Variants in DNAH5 observed in about 807,000 individuals in gnomAD.
DNAH5 encodes the protein dynein axonemal heavy chain 5.
In DNAH5, 372 loss-of-function variants were observed where a neutral mutation model predicts 518.2. The ratio of observed to expected loss-of-function variants is 0.72; its 90% CI spans 0.66 to 0.78. The LOEUF (loss-of-function observed/expected upper bound fraction) is 0.78. DNAH5 is among the 30% of genes least tolerant of loss of function. The probability of loss-of-function intolerance (pLI) is 0.00; values close to 1 mark genes in which losing one functional copy is unlikely to be tolerated. For missense variants in DNAH5, 5,523 were observed against 5,687.0 expected (o/e 0.97, Z 0.93); for synonymous variants, 2,039 against 2,025.9 (o/e 1.01, Z -0.17).
At chr5:13,780,539 G>A (rs962034462) in intron 53 of DNAH5, among the ~76,000 whole-genome samples, 21 of 152,148 alleles carry the variant, frequency 1.4e-4, no homozygotes, top group African/African-American at 4.1e-4. Flanking sequence ...AGGGACAATT[G>A]TCTTCTGAAA....
At chr5:13,903,442 A>G (rs2151965936) in intron 12 of DNAH5, among the ~76,000 whole-genome samples, 1 of 152,144 alleles carries the variant, frequency 6.6e-6, no homozygotes, top group South Asian at 2.1e-4. Flanking sequence ...TCCACAATTA[A>G]AAAAAGACTT....
intron 12 of DNAH5, among the ~76,000 whole-genome samples, chr5:13,906,217 T>G (rs941090924): frequency 4.6e-5 from 7 of 152,172 alleles, no homozygotes; most frequent in African/African-American, 1.7e-4. Flanking sequence ...CCATAGAATG[T>G]ATAACACCAA....
In DNAH5 at chr5:13,919,288, T is replaced by C. The variant is rs1776996920; in HGVS notation, c.863A>G (p.Glu288Gly). ...ADDVGPRAELEHWKKRLSKFN... is the reference protein window; with the variant it reads ...ADDVGPRAELGHWKKRLSKFN... ...CTTGGAGAGTCTTTTTTTCCAGTGC[T>C]CCAGCTCCGCTCGTGGCCCAACGTC... Residue 288 changes from glutamate to glycine, a missense_variant, in exon 7 of 79, where the codon GAG (glutamate) becomes GGG (glycine). Transcript: ENST00000265104. 1.2e-6 allele frequency: 2 copies of C among 1,614,130 alleles called. No individual in the cohort carries two copies. The highest frequency in any genetic ancestry group is 4.5e-5 in the East Asian group (2 of 44,886).
At chr5:13,695,172 A>G (rs1253370415) in intron 78 of DNAH5, among the ~76,000 whole-genome samples, 2 of 152,222 alleles carry the variant, frequency 1.3e-5, no homozygotes, top group East Asian at 1.9e-4. Flanking sequence ...AATTTGTGGC[A>G]TATTTGAGAT....
rs778808577 is a variant in DNAH5 at position 13,841,739 on chromosome 5, C to G, written c.5437G>C (p.Glu1813Gln). ...VIRQAAANIQ[E>Q]TGFQLTEFLS... ...AATTCAGTTAGTTGGAAACCTGTTT[C>G]TTGAATATTTGCGGCTGCCTGGCGA... Residue 1813 changes from glutamate (E) to glutamine (Q), a missense_variant, in exon 33 of 79, where the codon GAA becomes CAA. Physicochemically the swap from Glu to Gln is conservative, Grantham distance 29 (BLOSUM62 2). Transcript: ENST00000265104. 2 of 1,614,030 alleles carry G rather than the reference C, an allele frequency of 1.2e-6. No individual in the cohort carries two copies. Among genetic ancestry groups the G allele is most frequent in the Non-Finnish European group, 1.7e-6 (2 of 1,179,962 alleles).
intron 1 of DNAH5, among the ~76,000 whole-genome samples, chr5:13,996,670 G>A (rs1004344530): frequency 6.6e-6 from 1 of 152,230 alleles, no homozygotes; most frequent in African/African-American, 2.4e-5. Flanking sequence ...CCACCTTCTG[G>A]TCACTCTGGG....
At chr5:13,831,824 G>A (rs575688740) in intron 35 of DNAH5, among the ~76,000 whole-genome samples, 1 of 152,200 alleles carries the variant, frequency 6.6e-6, no homozygotes, top group Admixed American at 6.5e-5. Flanking sequence ...AGACACCACA[G>A]TGTGCTCCAC....
intron 1 of DNAH5, among the ~76,000 whole-genome samples, chr5:13,934,858 G>A (rs754667418): frequency 6.6e-6 from 1 of 152,156 alleles, no homozygotes; most frequent in Non-Finnish European, 1.5e-5. Flanking sequence ...AAACAAACAT[G>A]TTAGTTCATT....
rs140975593 is a variant in DNAH5, at chr5:13,780,943, C to T, written c.8837G>A (p.Arg2946His). 6.3e-5 allele frequency: 102 copies of T among 1,613,554 alleles called. No homozygotes were observed. The highest frequency in any genetic ancestry group is 6.0e-4 in the African/African-American group (45 of 74,982). Residue 2946 changes from arginine to histidine, a missense_variant, in exon 53 of 79, where the codon CGT becomes CAT. Physicochemically the swap from Arg to His is conservative, Grantham distance 29. Transcript: ENST00000265104. ...VHLVKISRVI[R>H]TPQGNALLVG... ...CAGGAGGGCATTTCCCTGAGGAGTA[C>T]GAATGACACGAGAGATCTGTAATAT...
At position 13,925,691 on chromosome 5, in the gene DNAH5, G is replaced by A. The variant is rs561805082; in HGVS notation, c.278-2251C>T. Among the ~76,000 whole-genome samples, 11 of 152,312 alleles carry A rather than the reference G, an allele frequency of 7.2e-5. No individual in the cohort carries two copies. In the South Asian group the frequency reaches 2.3e-3, roughly 32 times the overall value. Reference sequence around the variant, plus strand: ...GCACAGGAAAGACCCGCCTCCATAAGTCAATCACCTCCCACCAGGTTCCTA... The same window carrying A: ...GCACAGGAAAGACCCGCCTCCATAAATCAATCACCTCCCACCAGGTTCCTA... On this transcript the variant is annotated intron_variant, in intron 3 of 78. Transcript: ENST00000265104.
At chr5:13,824,442 C>T in intron 38 of DNAH5, 109 bp from the exon 39 acceptor site, 2 of 1,143,834 alleles carry the variant, frequency 1.7e-6, no homozygotes, top group South Asian at 1.3e-5. Flanking sequence ...TGCTGATTTT[C>T]CTTCAGAAAA....
chr5:13,758,980 T>G lies in DNAH5; in HGVS notation c.10285A>C (p.Asn3429His). The G allele has an allele frequency of 6.2e-7, 1 of 1,614,136 alleles. No homozygotes were observed. Among genetic ancestry groups the G allele is most frequent in the South Asian group, 1.1e-5 (1 of 91,082 alleles). ...TGGCGATTCTCTTGCACCACCAAGT[T>G]GGCCTGCACAGGACACACACAGAGT... ...INKEVLPLKA[N>H]LVVQENRHLL... The change falls in exon 61 of 79, where the codon AAC becomes CAC. Residue 3429 changes from asparagine to histidine, a missense_variant. Physicochemically the swap from Asn to His is moderately conservative, Grantham distance 68. Coordinates refer to ENST00000265104, the MANE Select transcript of DNAH5 (RefSeq NM_001369.3).
intron 17 of DNAH5, among the ~76,000 whole-genome samples, chr5:13,887,072 A>G (rs1772543076): frequency 6.6e-6 from 1 of 152,194 alleles, no homozygotes; most frequent in Admixed American, 6.5e-5. Context: ...GAGAACACTA[A>G]TATTTTTTAA....
At chr5:13,986,902 G>A (rs1240538674) in intron 1 of DNAH5, among the ~76,000 whole-genome samples, 4 of 152,122 alleles carry the variant, frequency 2.6e-5, no homozygotes, top group Admixed American at 1.3e-4. Context: ...CATGCCTCTC[G>A]CCACCTGTCC....
chr5:13,808,947 G>A (rs1760127596), intron 46 of DNAH5, 97 bp downstream of exon 46: 1 of 1,478,950 alleles, frequency 6.8e-7, no homozygotes, highest in Non-Finnish European at 9.4e-7. Context: ...GCGACAGAGT[G>A]AGACTCCGTC....
At chr5:13,753,609 A>G in intron 62 of DNAH5, 60 bp from the exon 63 acceptor site, 1 of 1,413,138 alleles carries the variant, frequency 7.1e-7, no homozygotes, top group Non-Finnish European at 9.7e-7. Context: ...ATTGTACAGC[A>G]TATTAAAAAT....
chr5:13,930,005 G>C (rs1024365994), intron 2 of DNAH5, among the ~76,000 whole-genome samples: 1 of 152,222 alleles, frequency 6.6e-6, no homozygotes, highest in Non-Finnish European at 1.5e-5. Context: ...AGATGAAAGA[G>C]ACTGAGAACA....
rs112881398 is a variant in DNAH5, at chr5:13,916,747, T to C, written c.1090-292A>G. Among the ~76,000 whole-genome samples the C allele has an allele frequency of 0.022, 3,297 of 152,146 alleles. 73 individuals carry two copies. The highest frequency in any genetic ancestry group is 0.059 in the African/African-American group (2,441 of 41,528). On this transcript the variant is annotated intron_variant, in intron 8 of 78. Coordinates refer to ENST00000265104, the MANE Select transcript of DNAH5 (RefSeq NM_001369.3). ...GATAAACTGTTAATAACAGTTAATG[T>C]TGTACTAAGTAAAAGCAGGCACTTC...
At chr5:13,895,333 A>G (rs1773760500) in intron 15 of DNAH5, among the ~76,000 whole-genome samples, 1 of 152,240 alleles carries the variant, frequency 6.6e-6, no homozygotes. Flanking sequence ...ACAACTGAAG[A>G]TGAACAAGAA....
Sources: allele counts gnomAD v4.1 joint callset (sites outside exome capture counted in the v4.1 genomes callset), GRCh38; gene constraint gnomAD v4.1.1; transcripts MANE v1.5; gene names NCBI Gene and HGNC (gene_info 2026-07-23, HGNC 2026-07-21).